POLN: variants seen among roughly 807,000 people sequenced by gnomAD.
POLN encodes the protein DNA polymerase nu.
A neutral mutation model predicts 113.5 loss-of-function variants in POLN; 108 were observed. The observed-to-expected ratio is 0.95, with a 90% CI of 0.81 to 1.12. The LOEUF (loss-of-function observed/expected upper bound fraction) is 1.12. Ranked by LOEUF, POLN falls within the 50% of genes most tolerant of loss-of-function variation. POLN has a pLI of 0.00. For synonymous variants in POLN, 386 were observed against 391.5 expected, an observed-to-expected ratio of 0.99 and a Z score of 0.17; for missense variants, 1,097 against 1,077.1, an observed-to-expected ratio of 1.02 and a Z score of -0.26.
intron 3 of POLN, among the ~76,000 whole-genome samples, chr4:2,220,599 T>G (rs1161131438): frequency 1.3e-5 from 2 of 152,224 alleles, no homozygotes; most frequent in Non-Finnish European, 2.9e-5. Context: ...GGCACCCCAC[T>G]TCAGCCCTAG....
chr4:2,087,001 T>A (rs1307445065), intron 20 of POLN, among the ~76,000 whole-genome samples: 1 of 152,196 alleles, frequency 6.6e-6, no homozygotes, highest in Non-Finnish European at 1.5e-5. Flanking sequence ...CCTGGCCAGC[T>A]GATGGTGTAG....
chr4:2,193,090 G>T, intron 7 of POLN, 114 bp downstream of exon 7: 5 of 751,754 alleles, frequency 6.7e-6, no homozygotes, highest in Non-Finnish European at 4.4e-6. Flanking sequence ...ATCAGTCTGT[G>T]TGGCCAGGTC....
chr4:2,171,623 T>C (rs1328651640), intron 11 of POLN, among the ~76,000 whole-genome samples: 1 of 151,322 alleles, frequency 6.6e-6, no homozygotes, highest in Non-Finnish European at 1.5e-5. Context: ...AAATAACCTA[T>C]AATTTATCAA....
At chr4:2,232,182 A>T (rs777102396) in intron 2 of POLN, 5 of 1,149,658 alleles carry the variant, frequency 4.3e-6, no homozygotes, top group Admixed American at 2.7e-5. Context: ...AAATAAAAAT[A>T]AAAATTAAAA....
At chr4:2,225,622 T>TA (rs545027576) in intron 3 of POLN, among the ~76,000 whole-genome samples, 6,643 of 135,708 alleles carry the variant, frequency 0.049, 171 homozygotes, top group Middle Eastern at 0.058. Context: ...TTGTTTTTTC[T>TA]AAAAAAAAAA....
Position 2,149,249 on chromosome 4 carries a change from G to A in POLN, c.1731+7539C>T, listed in dbSNP as rs186653709. ...GCAGAAGTTGCCATGAGCTGAGATC[G>A]CACCATTGCACTCCAGCCTGGGCGA... On this transcript the variant is annotated intron_variant, in intron 16 of 25. Coordinates refer to ENST00000511885, the MANE Select transcript of POLN (RefSeq NM_181808.4). Among the ~76,000 whole-genome samples, 304 of 152,170 alleles carry A rather than the reference G, an allele frequency of 2.0e-3. 1 individual carries two copies. The highest frequency in any genetic ancestry group is 6.9e-3 in the African/African-American group (288 of 41,520).
chr4:2,128,669 G>A (rs34198512), intron 18 of POLN, among the ~76,000 whole-genome samples: 618 of 43,540 alleles, frequency 0.014, 6 homozygotes, highest in African/African-American at 0.029. Flanking sequence ...GACAAAGCAC[G>A]GGGGCAGGGC....
chr4:2,114,180 T>A (rs141172170), intron 19 of POLN, among the ~76,000 whole-genome samples: 46 of 152,128 alleles, frequency 3.0e-4, no homozygotes, highest in African/African-American at 1.0e-3. Context: ...ATTACAGGCA[T>A]GAGCCACCGT....
intron 10 of POLN, 87 bp from the exon 11 acceptor site, chr4:2,174,106 C>A: frequency 8.0e-7 from 1 of 1,250,320 alleles, no homozygotes; most frequent in Non-Finnish European, 1.2e-6. Flanking sequence ...CTGATGAGGA[C>A]AATAATGACT....
At chr4:2,164,837 A>T (rs908899512) in intron 13 of POLN, among the ~76,000 whole-genome samples, 11 of 143,336 alleles carry the variant, frequency 7.7e-5, no homozygotes, top group African/African-American at 3.0e-4. Context: ...AAAAAAAAAA[A>T]AAAAAGAGTG....
At chr4:2,217,965 C>A (rs1341914571) in intron 3 of POLN, among the ~76,000 whole-genome samples, 1 of 152,204 alleles carries the variant, frequency 6.6e-6, no homozygotes, top group Non-Finnish European at 1.5e-5. Context: ...GATGACTCGA[C>A]CAGTTAACAT....
chr4:2,095,903 G>C lies in POLN; in HGVS notation c.2013C>G (p.His671Gln), dbSNP rs57332702. The change falls in exon 20 of 26, where the codon CAC becomes CAG. Residue 671 changes from histidine (H) to glutamine (Q), a missense_variant. Physicochemically the swap from His to Gln is conservative, Grantham distance 24. Transcript: ENST00000511885. ...CCTTCTTGGTTTGCTCTCTGTCTGC[G>C]TGTGTCACCTGTTCCACGGGCACAT... ...WKDVPVEQVTHADREQTKKVV... is the reference protein window; with the variant it reads ...WKDVPVEQVTQADREQTKKVV... 1 of 1,613,964 alleles carries C rather than the reference G, an allele frequency of 6.2e-7. No homozygotes were observed. Among genetic ancestry groups the C allele is most frequent in the African/African-American group, 1.3e-5 (1 of 74,884 alleles).
At chr4:2,173,082 G>A (rs1235607764) in intron 11 of POLN, among the ~76,000 whole-genome samples, 2 of 152,214 alleles carry the variant, frequency 1.3e-5, no homozygotes, top group East Asian at 3.8e-4. Context: ...ACATTGCTTA[G>A]GCTTTGAAGT....
intron 19 of POLN, among the ~76,000 whole-genome samples, chr4:2,106,654 T>G (rs907158148): frequency 6.6e-6 from 1 of 152,184 alleles, no homozygotes; most frequent in African/African-American, 2.4e-5. Context: ...TTGAGAGAGT[T>G]TTTCAGTTAA....
At chr4:2,232,270 G>T (rs771891572) in intron 2 of POLN, 8 of 502,390 alleles carry the variant, frequency 1.6e-5, no homozygotes, top group Non-Finnish European at 2.8e-5. Flanking sequence ...ATAACTTCCC[G>T]CAATTTTAGC....
intron 23 of POLN, chr4:2,078,720 T>G (rs1730335095): frequency 4.1e-6 from 4 of 985,278 alleles, no homozygotes; most frequent in Admixed American, 6.1e-5. Flanking sequence ...TGCCCAATAT[T>G]CCACACGAGT....
chr4:2,089,171 C>T, intron 20 of POLN: 1 of 1,458,388 alleles, frequency 6.9e-7, no homozygotes, highest in Non-Finnish European at 9.4e-7. Context: ...GGAGACCTCA[C>T]TTCAGATAAA....
intron 2 of POLN, chr4:2,232,147 T>G (rs1429607517): frequency 1.3e-6 from 2 of 1,523,354 alleles, no homozygotes; most frequent in South Asian, 2.5e-5. Flanking sequence ...TTTATGAAAC[T>G]GCTCTGTTAA....
At chr4:2,214,491 TA>T (rs1225468482) in intron 3 of POLN, among the ~76,000 whole-genome samples, 1 of 152,162 alleles carries the variant, frequency 6.6e-6, no homozygotes, top group Non-Finnish European at 1.5e-5. Context: ...CTCATACATT[TA>T]CAAGATAAGA....
Sources: allele counts gnomAD v4.1 joint callset (sites outside exome capture counted in the v4.1 genomes callset), GRCh38; gene constraint gnomAD v4.1.1; transcripts MANE v1.5; gene names NCBI Gene and HGNC (gene_info 2026-07-23, HGNC 2026-07-21).